TMPRSS12: variants seen among roughly 807,000 people sequenced by gnomAD.
TMPRSS12 encodes the protein transmembrane protease serine 12.
TMPRSS12 carries 25 observed loss-of-function variants against 26.0 expected under a neutral mutation model. The ratio of observed to expected loss-of-function variants is 0.96; its 90% CI spans 0.70 to 1.34. TMPRSS12 has a LOEUF of 1.34. Ranked by LOEUF, TMPRSS12 falls within the 40% of genes most tolerant of loss-of-function variation. The pLI, the probability that TMPRSS12 is intolerant of heterozygous loss-of-function variation, is 0.00. For synonymous variants in TMPRSS12, 150 were observed against 161.7 expected, an observed-to-expected ratio of 0.93 and a Z score of 0.55; for missense variants, 441 against 440.1, an observed-to-expected ratio of 1.00 and a Z score of -0.02.
At chr12:50,871,927 T>TA (rs56139129) in intron 3 of TMPRSS12, among the ~76,000 whole-genome samples, 18,551 of 146,798 alleles carry the variant, frequency 0.13, 1,396 homozygotes, top group African/African-American at 0.21. Context: ...ATCAAAAAAT[T>TA]AAAAAAAAAA....
chr12:50,861,123 TA>T (rs1937930565), intron 3 of TMPRSS12, among the ~76,000 whole-genome samples: 1 of 152,208 alleles, frequency 6.6e-6, no homozygotes, highest in African/African-American at 2.4e-5. Flanking sequence ...TTACCCCATT[TA>T]ACAGACCAGT....
At chr12:50,872,651 T>TAC (rs1555206417) in intron 3 of TMPRSS12, among the ~76,000 whole-genome samples, 1 of 109,096 alleles carries the variant, frequency 9.2e-6, no homozygotes, top group Non-Finnish European at 1.9e-5. Context: ...TATATGTACA[T>TAC]ATATGACGTA....
At chr12:50,861,524 A>T (rs1164618706) in intron 3 of TMPRSS12, among the ~76,000 whole-genome samples, 2 of 152,182 alleles carry the variant, frequency 1.3e-5, no homozygotes, top group Non-Finnish European at 2.9e-5. Flanking sequence ...TAGCTGAATG[A>T]CCATGGGCAT....
At chr12:50,845,928 A>T (rs1937762653) in intron 2 of TMPRSS12, among the ~76,000 whole-genome samples, 2 of 152,120 alleles carry the variant, frequency 1.3e-5, no homozygotes. Flanking sequence ...GGCCATTTGT[A>T]TATCTTCTTT....
chr12:50,856,072 G>A (rs758898287), intron 2 of TMPRSS12, among the ~76,000 whole-genome samples: 2 of 152,064 alleles, frequency 1.3e-5, no homozygotes, highest in Non-Finnish European at 2.9e-5. Flanking sequence ...GTGGAGAAGT[G>A]GATTGAAAAA....
At chr12:50,865,605 A>T (rs1373328536) in intron 3 of TMPRSS12, among the ~76,000 whole-genome samples, 1 of 152,172 alleles carries the variant, frequency 6.6e-6, no homozygotes, top group East Asian at 1.9e-4. Context: ...AATTGATGAA[A>T]GACATGAATC....
chr12:50,868,089 G>A (rs936324494), intron 3 of TMPRSS12, among the ~76,000 whole-genome samples: 6 of 152,072 alleles, frequency 3.9e-5, no homozygotes, highest in Admixed American at 1.3e-4. Flanking sequence ...ACAAAAAATC[G>A]AAAACCAAGG....
At chr12:50,879,802 C>T (rs979883435) in intron 3 of TMPRSS12, among the ~76,000 whole-genome samples, 3 of 151,212 alleles carry the variant, frequency 2.0e-5, no homozygotes, top group African/African-American at 7.3e-5. Flanking sequence ...ACCCCGTCTC[C>T]ACAAAAAATA....
intron 2 of TMPRSS12, among the ~76,000 whole-genome samples, chr12:50,853,503 A>T (rs1378295130): frequency 6.6e-6 from 1 of 151,976 alleles, no homozygotes; most frequent in East Asian, 1.9e-4. Flanking sequence ...TGTGACACAA[A>T]AAAACATACA....
intron 3 of TMPRSS12, among the ~76,000 whole-genome samples, chr12:50,871,307 A>G (rs1224820535): frequency 6.6e-6 from 1 of 152,194 alleles, no homozygotes; most frequent in Non-Finnish European, 1.5e-5. Flanking sequence ...CTTGCAGCCA[A>G]CTGATCTTCA....
chr12:50,858,284 C>A (rs1345860575), intron 2 of TMPRSS12, among the ~76,000 whole-genome samples: 1 of 152,232 alleles, frequency 6.6e-6, no homozygotes, highest in Non-Finnish European at 1.5e-5. Flanking sequence ...TCAACTGATA[C>A]CTGATCTTGT....
chr12:50,858,756 T>G (rs1937905261), intron 2 of TMPRSS12, 29 bp from the exon 3 acceptor site: 1 of 1,450,698 alleles, frequency 6.9e-7, no homozygotes, highest in African/African-American at 1.4e-5. Flanking sequence ...TTAAAGATAT[T>G]TATAATAAGA....
Position 50,844,008 on chromosome 12 carries a change from C to T in TMPRSS12, c.354C>T (p.Leu118=), listed in dbSNP as rs200010728. 8.1e-6 allele frequency: 13 copies of T among 1,595,590 alleles called. No homozygotes were observed. In the African/African-American group the frequency reaches 1.5e-4, roughly 18 times the overall value. ...CCCTAGTGAGAGAGAGGTGGGTCCT[C>T]ACAGCTGCCCACTGCACTAAAGACG... is the stretch of plus-strand genomic sequence containing the variant. ...GGTLVRERWV[L]TAAHCTKDAS... Residue 118 remains leucine (L), a synonymous_variant, in exon 2 of 5, where the codon CTC becomes CTT. Transcript: ENST00000398458.
intron 2 of TMPRSS12, among the ~76,000 whole-genome samples, chr12:50,844,317 T>C: frequency 6.6e-6 from 1 of 151,868 alleles, no homozygotes; most frequent in South Asian, 2.1e-4. Flanking sequence ...CTAACTACAT[T>C]AGGTATTTCT....
At chr12:50,883,360 C>A (rs1592226048) in intron 3 of TMPRSS12, among the ~76,000 whole-genome samples, 1 of 152,082 alleles carries the variant, frequency 6.6e-6, no homozygotes, top group Non-Finnish European at 1.5e-5. Flanking sequence ...TAATCATAAC[C>A]AAATTAGGTT....
chr12:50,847,421 A>G (rs762975810), intron 2 of TMPRSS12, among the ~76,000 whole-genome samples: 87 of 152,042 alleles, frequency 5.7e-4, no homozygotes, highest in Non-Finnish European at 1.0e-3. Flanking sequence ...TTTTTCCCAT[A>G]TTGGGGAAAA....
At position 50,858,770 on chromosome 12, in the gene TMPRSS12, T is replaced by A. The variant is rs1937905590; in HGVS notation, c.384-15T>A. On this transcript the variant is annotated splice_polypyrimidine_tract_variant and intron_variant, in intron 2 of 4. Coordinates refer to ENST00000398458, the MANE Select transcript of TMPRSS12 (RefSeq NM_182559.3). ...ATTAAAGATATTTATAATAAGAATG[T>A]TTACTTTCTTTCAGCGATCCTTTAA... 1 of 1,500,742 alleles carries A rather than the reference T, an allele frequency of 6.7e-7. No individual in the cohort carries two copies. The highest frequency in any genetic ancestry group is 8.9e-7 in the Non-Finnish European group (1 of 1,129,436). 93.0% of individuals were successfully genotyped at this position (1,500,742 alleles called of 1,614,324 possible).
chr12:50,871,515 C>G (rs1938042003), intron 3 of TMPRSS12, among the ~76,000 whole-genome samples: 1 of 152,002 alleles, frequency 6.6e-6, no homozygotes, highest in African/African-American at 2.4e-5. Context: ...CTGGAAAAAC[C>G]CTTCTAGATA....
At chr12:50,862,578 G>C (rs1937947572) in intron 3 of TMPRSS12, among the ~76,000 whole-genome samples, 1 of 151,970 alleles carries the variant, frequency 6.6e-6, no homozygotes, top group East Asian at 1.9e-4. Context: ...CAGGCTGGAA[G>C]GTGGTGATGC....
Sources: gnomAD v4.1 joint callset for allele counts (sites outside exome capture counted in the v4.1 genomes callset) on GRCh38, gnomAD v4.1.1 for gene constraint, MANE v1.5 for transcripts, NCBI Gene and HGNC (gene_info 2026-07-23, HGNC 2026-07-21) for gene names.